Variants in DPP8 observed in about 807,000 individuals in gnomAD.
DPP8 encodes the protein DPP VIII.
A neutral mutation model predicts 107.5 loss-of-function variants in DPP8; 31 were observed. The ratio of observed to expected loss-of-function variants is 0.29; its 90% CI spans 0.22 to 0.39. DPP8 has a LOEUF of 0.39. Among genes scored for constraint, DPP8 ranks in the 10% least tolerant of loss-of-function variants. DPP8 has a pLI of 1.00. For synonymous variants in DPP8, 381 were observed against 356.6 expected (o/e 1.07, Z -0.77); for missense variants, 842 against 1,076.1 (o/e 0.78, Z 3.04).
rs540475455 is a variant in DPP8, at chr15:65,490,042, A to G, written c.826+147T>C. The G allele has an allele frequency of 1.6e-5, 10 of 614,452 alleles. No individual in the cohort carries two copies. The African/African-American group carries it at 1.8e-4, about 11-fold the overall frequency. 38.1% of individuals were successfully genotyped at this position (614,452 alleles called of 1,614,324 possible). ...CCTAATCTACATATTTTAAATAACT[A>G]TGGGCATGAATCAATCATCATCACT... is the stretch of plus-strand genomic sequence containing the variant. On this transcript the variant is annotated intron_variant, in intron 6 of 19. Transcript: ENST00000300141.
chr15:65,488,776 C>A (rs1338383984), intron 6 of DPP8, among the ~76,000 whole-genome samples: 1 of 152,072 alleles, frequency 6.6e-6, no homozygotes, highest in Non-Finnish European at 1.5e-5. Flanking sequence ...GGATCATGGT[C>A]AAAAAGTTTG....
Position 65,478,977 on chromosome 15 carries a change from G to C in DPP8, c.1359C>G (p.Ala453=), listed in dbSNP as rs368530117. 37 of 1,588,282 alleles carry C rather than the reference G, an allele frequency of 2.3e-5. No homozygotes were observed. The highest frequency in any genetic ancestry group is 3.0e-5 in the Non-Finnish European group (35 of 1,169,956). Residue 453 remains alanine, a synonymous_variant, in exon 11 of 20, where the codon GCC becomes GCG. Coordinates refer to ENST00000300141, the MANE Select transcript of DPP8 (RefSeq NM_130434.5). The part of the protein sequence containing the change: ...SHEEEIEFIF[A]SECKTGFRHL... ...GACGGAAACCTGTTTTGCATTCAGA[G>C]GCAAAAATAAACTCAATTTCCTCTT...
chr15:65,466,722 G>C lies in DPP8; in HGVS notation c.1781C>G (p.Thr594Ser). 6.2e-7 allele frequency: 1 copy of C among 1,614,090 alleles called. No homozygotes were observed. ...YKLSSPEDDP[T>S]CKTKEFWATI... ...GGCCCAAAATTCCTTTGTTTTGCAA[G>C]TTGGGTCATCTTCAGGACTTGATAG... The change falls in exon 14 of 20, where the codon ACT becomes AGT. Residue 594 changes from threonine (T) to serine (S), a missense_variant. By Grantham distance (58) the Thr-to-Ser change is moderately conservative. This residue lies in a region of DPP8 where 663 missense variants were observed against 758.0 expected (regional missense o/e 0.87). Transcript: ENST00000300141.
At chr15:65,482,454 G>C (rs139513537) in intron 8 of DPP8, among the ~76,000 whole-genome samples, 311 of 152,080 alleles carry the variant, frequency 2.0e-3, no homozygotes, top group African/African-American at 6.7e-3. Context: ...GCTAATTTTT[G>C]TATTTTTAGT....
In DPP8 at chr15:65,451,171, T is replaced by C; in HGVS notation, c.2415-61A>G. 1.0e-5 allele frequency: 10 copies of C among 966,310 alleles called. No homozygotes were observed. The South Asian group carries it at 1.3e-4, about 13-fold the overall frequency. 59.9% of individuals were successfully genotyped at this position (966,310 alleles called of 1,614,324 possible). A position where few individuals can be genotyped will look rare whatever the true frequency, so the allele number is the denominator to read the frequency against. ...TAGTAGAGTATTTGGGAAAACCATT[T>C]CACTTATTTAATCATACTTAACCAT... On this transcript the variant is annotated intron_variant, in intron 18 of 19. Coordinates refer to ENST00000300141, the MANE Select transcript of DPP8 (RefSeq NM_130434.5).
intron 6 of DPP8, among the ~76,000 whole-genome samples, chr15:65,489,640 G>A (rs941078558): frequency 4.8e-5 from 7 of 146,642 alleles, no homozygotes; most frequent in South Asian, 2.1e-4. Flanking sequence ...GGATGGTCTC[G>A]ATCTCCTGAC....
chr15:65,448,874 A>ATATGTG (rs1555444643), intron 19 of DPP8, among the ~76,000 whole-genome samples: 8 of 12,024 alleles, frequency 6.7e-4, no homozygotes, highest in South Asian at 4.0e-3. Flanking sequence ...AAATATATAT[A>ATATGTG]TATATATATA....
chr15:65,488,624 A>C (rs1009695000), intron 6 of DPP8, among the ~76,000 whole-genome samples: 6 of 151,122 alleles, frequency 4.0e-5, no homozygotes, highest in Admixed American at 2.0e-4. Flanking sequence ...AAAAAAAAAA[A>C]AAAACCCAAA....
At position 65,445,634 on chromosome 15, in the gene DPP8, A is replaced by G. The variant is rs1431992293; in HGVS notation, c.*1250T>C. The G allele has an allele frequency of 2.0e-5, 3 of 153,668 alleles. No individual in the cohort carries two copies. Among genetic ancestry groups the G allele is most frequent in the Non-Finnish European group, 4.4e-5 (3 of 68,010 alleles). 9.5% of individuals were successfully genotyped at this position (153,668 alleles called of 1,614,324 possible). Reference sequence around the variant, plus strand: ...TAAACATTTGTATTTTAAGCTTACAATATCTAAATTATGTTCAAATAATTT... The same window carrying G: ...TAAACATTTGTATTTTAAGCTTACAGTATCTAAATTATGTTCAAATAATTT... On this transcript the variant is annotated 3_prime_UTR_variant, in exon 20 of 20. Transcript: ENST00000300141.
At chr15:65,455,709 T>C (rs763869361) in intron 16 of DPP8, 11 of 1,237,000 alleles carry the variant, frequency 8.9e-6, no homozygotes, top group Non-Finnish European at 1.0e-5. Flanking sequence ...CCCCATGTCT[T>C]ACTCAGCATG....
rs543172252 is a variant in DPP8 at position 65,452,075 on chromosome 15, G to A, written c.2299C>T (p.Leu767=). 1 of 1,608,648 alleles carries A rather than the reference G, an allele frequency of 6.2e-7. No homozygotes were observed. Among genetic ancestry groups the A allele is most frequent in the South Asian group, 1.1e-5 (1 of 89,792 alleles). The change falls in exon 18 of 20, where the codon CTG becomes TTG. Residue 767 remains leucine, a synonymous_variant. Transcript: ENST00000300141. ...TATCCTGTATCATAGAAGATCCACAGAGTGACTGGGGCCCCAGCAATAGCA... is the reference window on the plus strand; with the variant it reads ...TATCCTGTATCATAGAAGATCCACAAAGTGACTGGGGCCCCAGCAATAGCA... The part of the protein sequence containing the change: ...RVAIAGAPVT[L]WIFYDTGYTE...
Position 65,445,759 on chromosome 15 carries a change from A to G in DPP8, c.*1125T>C, listed in dbSNP as rs1595818501. ...TAAGGAACTTTTCCTCCCCTGAATC[A>G]TGTTACTCTGTAGCTGTGCTGGCAA... On this transcript the variant is annotated 3_prime_UTR_variant, in exon 20 of 20. Coordinates refer to ENST00000300141, the MANE Select transcript of DPP8 (RefSeq NM_130434.5). 1 of 152,502 alleles carries G rather than the reference A, an allele frequency of 6.6e-6. No individual in the cohort carries two copies. Among genetic ancestry groups the G allele is most frequent in the East Asian group, 1.9e-4 (1 of 5,188 alleles). The allele number at this position is 152,502 out of a possible 1,614,324, so 9.4% of individuals were successfully genotyped here.
chr15:65,449,870 A>G (rs1459783134), intron 19 of DPP8, among the ~76,000 whole-genome samples: 7 of 152,108 alleles, frequency 4.6e-5, no homozygotes, highest in Admixed American at 2.0e-4. Context: ...AATGTAAAAT[A>G]TTGCTGTTTT....
At chr15:65,448,426 AC>A (rs2063629974) in intron 19 of DPP8, among the ~76,000 whole-genome samples, 2 of 151,656 alleles carry the variant, frequency 1.3e-5, no homozygotes, top group Admixed American at 6.6e-5. Context: ...TAACCCCAGC[AC>A]TTTGGGAGGC....
chr15:65,511,224 T>C (rs1318332325), intron 2 of DPP8, among the ~76,000 whole-genome samples: 1 of 152,172 alleles, frequency 6.6e-6, no homozygotes, highest in Non-Finnish European at 1.5e-5. Context: ...ACTGGAGGTC[T>C]GGTTAAGTAA....
At chr15:65,489,618 C>G (rs1168727836) in intron 6 of DPP8, among the ~76,000 whole-genome samples, 1 of 146,352 alleles carries the variant, frequency 6.8e-6, no homozygotes, top group Admixed American at 7.0e-5. Context: ...CAGGGTTTCA[C>G]GGTGTTAGCC....
intron 1 of DPP8, chr15:65,517,220 G>A (rs781142427): frequency 2.6e-5 from 4 of 152,254 alleles, no homozygotes; most frequent in Non-Finnish European, 4.4e-5. Context: ...AAGCCAGGAG[G>A]CCAGCGCCCA....
At chr15:65,476,326 T>G (rs2140657840) in intron 11 of DPP8, among the ~76,000 whole-genome samples, 1 of 151,848 alleles carries the variant, frequency 6.6e-6, no homozygotes, top group East Asian at 1.9e-4. Context: ...AAAATAAAAT[T>G]TAATTTTTTT....
At chr15:65,501,933 A>AG (rs2069284279) in intron 3 of DPP8, among the ~76,000 whole-genome samples, 1 of 152,188 alleles carries the variant, frequency 6.6e-6, no homozygotes, top group African/African-American at 2.4e-5. Context: ...TCTGTTGCCC[A>AG]GGCTGGAGTG....
Sources: allele counts gnomAD v4.1 joint callset (sites outside exome capture counted in the v4.1 genomes callset), GRCh38; gene constraint gnomAD v4.1.1; regional missense constraint gnomAD v4.1.1; transcripts MANE v1.5; gene names NCBI Gene and HGNC (gene_info 2026-07-23, HGNC 2026-07-21).